The following DIAPH3 variants were observed in gnomAD, a reference collection of about 807,000 sequenced individuals.
DIAPH3 encodes the protein diaphanous related formin 3.
DIAPH3 carries 117 observed loss-of-function variants against 144.3 expected under a neutral mutation model. The ratio of observed to expected loss-of-function variants is 0.81; its 90% confidence interval spans 0.70 to 0.95. DIAPH3 has a LOEUF of 0.95. DIAPH3 is among the 40% of genes least tolerant of loss of function. The pLI is 0.00. For missense variants in DIAPH3, 1,421 were observed against 1,412.7 expected, an observed-to-expected ratio of 1.01 and a Z score of -0.09; for synonymous variants, 519 against 488.9, an observed-to-expected ratio of 1.06 and a Z score of -0.81.
At chr13:59,851,649 T>TC (rs2042979758) in intron 22 of DIAPH3, among the ~76,000 whole-genome samples, 1 of 150,898 alleles carries the variant, frequency 6.6e-6, no homozygotes, top group Admixed American at 6.6e-5. Context: ...TTTTTTTTTT[T>TC]TTTTTTTTGA....
chr13:59,775,844 T>C (rs80318342), intron 25 of DIAPH3, among the ~76,000 whole-genome samples: 2,968 of 152,290 alleles, frequency 0.019, 84 homozygotes, highest in East Asian at 0.12. Flanking sequence ...ATTAAGGAAA[T>C]ACGTGGATAT....
At chr13:59,908,289 G>A (rs1268380885) in intron 20 of DIAPH3, among the ~76,000 whole-genome samples, 1 of 140,508 alleles carries the variant, frequency 7.1e-6, no homozygotes, top group Non-Finnish European at 1.5e-5. Context: ...CAGGGGAATC[G>A]CTTGAACCCA....
At chr13:59,808,927 T>C (rs1231616505) in intron 25 of DIAPH3, among the ~76,000 whole-genome samples, 1 of 152,180 alleles carries the variant, frequency 6.6e-6, no homozygotes, top group Non-Finnish European at 1.5e-5. Context: ...TCTACTATTT[T>C]TTAGGTGTTT....
At chr13:59,826,580 C>T (rs899373695) in intron 24 of DIAPH3, among the ~76,000 whole-genome samples, 1 of 149,212 alleles carries the variant, frequency 6.7e-6, no homozygotes, top group African/African-American at 2.4e-5. Context: ...TAGGAAGAAT[C>T]AATATCGTGA....
At chr13:59,771,949 C>A (rs377517) in intron 27 of DIAPH3, among the ~76,000 whole-genome samples, 117,286 of 151,756 alleles carry the variant, frequency 0.77, 45,452 homozygotes, top group East Asian at 0.88. Context: ...ATGAATTTCA[C>A]ATAGCTGTAG....
At chr13:60,060,416 T>C (rs753225999) in intron 4 of DIAPH3, among the ~76,000 whole-genome samples, 4 of 152,110 alleles carry the variant, frequency 2.6e-5, no homozygotes, top group Non-Finnish European at 4.4e-5. Flanking sequence ...AATGCCTGCA[T>C]TGTTGTCACA....
At chr13:59,809,264 G>T (rs1018174164) in intron 25 of DIAPH3, among the ~76,000 whole-genome samples, 1 of 152,144 alleles carries the variant, frequency 6.6e-6, no homozygotes, top group African/African-American at 2.4e-5. Context: ...CACTTTGGGA[G>T]GCTGAGGTGG....
intron 12 of DIAPH3, among the ~76,000 whole-genome samples, chr13:59,987,326 G>T (rs1382410371): frequency 6.6e-6 from 1 of 151,532 alleles, no homozygotes; most frequent in Non-Finnish European, 1.5e-5. Flanking sequence ...GGACTGTGGT[G>T]GGGTGGGGGG....
intron 27 of DIAPH3, among the ~76,000 whole-genome samples, chr13:59,700,643 C>T (rs1044688027): frequency 6.6e-6 from 1 of 152,154 alleles, no homozygotes; most frequent in Non-Finnish European, 1.5e-5. Flanking sequence ...GTGCAAAGAC[C>T]ATGATCTTCC....
chr13:59,981,108 G>T (rs557454522), intron 13 of DIAPH3, among the ~76,000 whole-genome samples: 26 of 151,176 alleles, frequency 1.7e-4, no homozygotes, highest in African/African-American at 6.3e-4. Flanking sequence ...AAAAGGAGAT[G>T]TTCAATTGTA....
At chr13:59,881,437 C>T (rs1461758254) in intron 20 of DIAPH3, among the ~76,000 whole-genome samples, 3 of 151,946 alleles carry the variant, frequency 2.0e-5, no homozygotes, top group Admixed American at 6.6e-5. Context: ...AGAAGAAATT[C>T]TCCAGTATTC....
At chr13:60,032,853 G>C (rs760513992) in intron 5 of DIAPH3, among the ~76,000 whole-genome samples, 1 of 152,146 alleles carries the variant, frequency 6.6e-6, no homozygotes, top group Non-Finnish European at 1.5e-5. Context: ...TTGCCACATG[G>C]GCAGGCTGCA....
At chr13:59,797,765 C>T (rs1433928369) in intron 25 of DIAPH3, among the ~76,000 whole-genome samples, 1 of 152,078 alleles carries the variant, frequency 6.6e-6, no homozygotes, top group Admixed American at 6.5e-5. Context: ...AACCCCATGC[C>T]TCAGATTCTC....
chr13:59,911,613 A>G (rs2140236958), intron 20 of DIAPH3, 122 bp downstream of exon 20: 1 of 746,168 alleles, frequency 1.3e-6, no homozygotes, highest in African/African-American at 1.8e-5. Flanking sequence ...AAAAAAAAGT[A>G]AGATGGATAT....
At chr13:59,856,124 T>A (rs1486363920) in intron 22 of DIAPH3, among the ~76,000 whole-genome samples, 1 of 152,208 alleles carries the variant, frequency 6.6e-6, no homozygotes, top group African/African-American at 2.4e-5. Flanking sequence ...AATTGAAGCA[T>A]ACTTGCAATT....
At chr13:60,117,347 T>A (rs1024962965) in intron 2 of DIAPH3, among the ~76,000 whole-genome samples, 60 of 152,130 alleles carry the variant, frequency 3.9e-4, no homozygotes, top group African/African-American at 1.4e-3. Context: ...AAAGGATCAA[T>A]CAGTATTTCA....
chr13:59,741,146 G>A (rs1461626669), intron 27 of DIAPH3, among the ~76,000 whole-genome samples: 1 of 142,824 alleles, frequency 7.0e-6, no homozygotes, highest in African/African-American at 2.7e-5. Context: ...TGAAGCAGGT[G>A]CTTTCTGAAA....
chr13:59,727,205 C>T (rs997994857), intron 27 of DIAPH3, among the ~76,000 whole-genome samples: 2 of 152,088 alleles, frequency 1.3e-5, no homozygotes, highest in African/African-American at 4.8e-5. Flanking sequence ...TGGTCAAATC[C>T]AGGCTACAGT....
At chr13:60,045,688 G>A (rs1434745563) in intron 4 of DIAPH3, among the ~76,000 whole-genome samples, 3 of 152,130 alleles carry the variant, frequency 2.0e-5, no homozygotes, top group Non-Finnish European at 4.4e-5. Flanking sequence ...ATACAGCAGT[G>A]GAGGTTAACT....
Sources: allele counts gnomAD v4.1 joint callset (sites outside exome capture counted in the v4.1 genomes callset), GRCh38; gene constraint gnomAD v4.1.1; transcripts MANE v1.5; gene names NCBI Gene and HGNC (gene_info 2026-07-23, HGNC 2026-07-21).